The following EFCAB6 variants were observed in gnomAD, a reference collection of about 807,000 sequenced individuals.
EFCAB6 encodes the protein EF-hand calcium-binding domain-containing protein 6.
EFCAB6 carries 156 observed loss-of-function variants against 169.8 expected under a neutral mutation model. That is an observed-to-expected ratio of 0.92 (90% CI 0.81 to 1.05). The LOEUF is 1.05. Ranked by LOEUF, EFCAB6 falls within the 50% of genes least tolerant of loss-of-function variation. EFCAB6 has a pLI of 0.00. For missense variants in EFCAB6, 1,800 were observed against 1,829.1 expected, an observed-to-expected ratio of 0.98 and a Z score of 0.29; for synonymous variants, 698 against 676.4, an observed-to-expected ratio of 1.03 and a Z score of -0.50.
intron 17 of EFCAB6, among the ~76,000 whole-genome samples, chr22:43,645,825 T>C (rs190192277): frequency 6.2e-4 from 94 of 151,394 alleles, no homozygotes; most frequent in Non-Finnish European, 9.3e-4. Flanking sequence ...TTAAGTGTTA[T>C]ATGGAATAAA....
chr22:43,718,091 A>T (rs895224468), intron 8 of EFCAB6, among the ~76,000 whole-genome samples: 1 of 116,996 alleles, frequency 8.5e-6, no homozygotes, highest in African/African-American at 3.8e-5. Context: ...CATCCATGTA[A>T]GTACCAGAAA....
intron 26 of EFCAB6, among the ~76,000 whole-genome samples, chr22:43,558,917 C>CT (rs1456894517): frequency 6.6e-6 from 1 of 152,164 alleles, no homozygotes; most frequent in East Asian, 1.9e-4. Flanking sequence ...TGCAAAGTCT[C>CT]TGAGACATGC....
chr22:43,708,089 TAAAAAAAA>T (rs137824), intron 10 of EFCAB6, among the ~76,000 whole-genome samples: 4 of 115,556 alleles, frequency 3.5e-5, no homozygotes, highest in Non-Finnish European at 7.3e-5. Flanking sequence ...TAAAGAAAAC[TAAAAAAAA>T]AAAAAAAAAA....
chr22:43,662,872 C>A (rs995087388), intron 17 of EFCAB6, among the ~76,000 whole-genome samples: 3 of 152,346 alleles, frequency 2.0e-5, no homozygotes, highest in African/African-American at 7.2e-5. Flanking sequence ...GCCTATCTCA[C>A]ACCTGCCAGG....
Position 43,580,596 on chromosome 22 carries a change from G to A in EFCAB6, c.3096C>T (p.Asn1032=). ...NYLDFLRAVE[N]SKSTGAQPKE... ...TGGGCTGAGCTCCTGTTGACTTGCTGTTCTCCACTGCTCTCAGGAAGTCGA... is the reference window on the plus strand; with the variant it reads ...TGGGCTGAGCTCCTGTTGACTTGCTATTCTCCACTGCTCTCAGGAAGTCGA... The change falls in exon 25 of 32, where the codon AAC becomes AAT. Residue 1032 remains asparagine (N), a synonymous_variant. Transcript: ENST00000262726. The A allele has an allele frequency of 1.9e-6, 3 of 1,614,108 alleles. No homozygotes were observed. Among genetic ancestry groups the A allele is most frequent in the Non-Finnish European group, 2.5e-6 (3 of 1,180,026 alleles).
rs1603298659 is a variant in EFCAB6, at chr22:43,735,829, A to AG, written c.644+27_644+28insC. On this transcript the variant is annotated intron_variant, in intron 7 of 31. Coordinates refer to ENST00000262726, the MANE Select transcript of EFCAB6 (RefSeq NM_022785.4). ...AATTGGTTAAAAGTTCTACTGAGCA[A>AG]TCTCTCACCGTGCCTTCATTTGCTT... is the stretch of plus-strand genomic sequence containing the variant. 8 of 1,609,820 alleles carry AG rather than the reference A, an allele frequency of 5.0e-6. No individual in the cohort carries two copies. In the East Asian group the frequency reaches 1.8e-4, roughly 36 times the overall value.
chr22:43,617,091 G>C (rs574708281), intron 20 of EFCAB6, among the ~76,000 whole-genome samples: 1 of 152,108 alleles, frequency 6.6e-6, no homozygotes, highest in South Asian at 2.1e-4. Flanking sequence ...ACTGCCTACC[G>C]GACTCTGCAG....
At chr22:43,707,765 T>C (rs1228332220) in intron 10 of EFCAB6, among the ~76,000 whole-genome samples, 1 of 152,042 alleles carries the variant, frequency 6.6e-6, no homozygotes, top group East Asian at 1.9e-4. Flanking sequence ...CCTCAGGAAA[T>C]TGACTCCAGA....
chr22:43,553,099 A>C (rs2048476561), intron 27 of EFCAB6: 1 of 152,244 alleles, frequency 6.6e-6, no homozygotes, highest in Admixed American at 6.5e-5. Flanking sequence ...CAGTGAGTTC[A>C]GAGCTGTGAG....
chr22:43,784,676 TACACACACACACACACACAC>T lies in EFCAB6; in HGVS notation c.-7-2371_-7-2352del, dbSNP rs571679900. ...ATGTGTATATATACATATACATATA[TACACACACACACACACACAC>T]ACACACACACACACACACACACATA... On this transcript the variant is annotated intron_variant, in intron 2 of 31. Coordinates refer to ENST00000262726, the MANE Select transcript of EFCAB6 (RefSeq NM_022785.4). Among the ~76,000 whole-genome samples the T allele has an allele frequency of 4.8e-4, 30 of 63,136 alleles. 2 individuals are homozygous for T. The highest frequency in any genetic ancestry group is 8.2e-4 in the Non-Finnish European group (27 of 33,044). 41.4% of individuals were successfully genotyped at this position (63,136 alleles called of 152,430 possible).
intron 10 of EFCAB6, among the ~76,000 whole-genome samples, chr22:43,704,354 C>T (rs1434714032): frequency 6.6e-6 from 1 of 152,116 alleles, no homozygotes; most frequent in Non-Finnish European, 1.5e-5. Context: ...GCCTGCCTCA[C>T]AGGAATTGCT....
At chr22:43,620,385 C>A (rs9614242) in intron 20 of EFCAB6, among the ~76,000 whole-genome samples, 2 of 151,892 alleles carry the variant, frequency 1.3e-5, no homozygotes, top group Non-Finnish European at 2.9e-5. Flanking sequence ...TATGAGAAAA[C>A]GGAATACTTG....
At chr22:43,554,544 A>G in intron 27 of EFCAB6, 2 of 299,416 alleles carry the variant, frequency 6.7e-6, no homozygotes, top group East Asian at 7.1e-5. Flanking sequence ...GGCCCCAGAT[A>G]GTTGCTGCCC....
At chr22:43,595,279 A>G (rs1372316232) in intron 23 of EFCAB6, among the ~76,000 whole-genome samples, 1 of 152,126 alleles carries the variant, frequency 6.6e-6, no homozygotes, top group Non-Finnish European at 1.5e-5. Context: ...AAATCAGAGC[A>G]TAAATAAATA....
intron 20 of EFCAB6, among the ~76,000 whole-genome samples, chr22:43,620,711 A>C (rs772867047): frequency 6.6e-6 from 1 of 152,202 alleles, no homozygotes; most frequent in Non-Finnish European, 1.5e-5. Flanking sequence ...TTTTTTTCTC[A>C]GAGTTTCAAA....
chr22:43,659,588 A>T (rs1458482036), intron 17 of EFCAB6, among the ~76,000 whole-genome samples: 1 of 151,934 alleles, frequency 6.6e-6, no homozygotes, highest in African/African-American at 2.4e-5. Context: ...TGAGCCTGGG[A>T]GGTCGAGGCT....
At chr22:43,593,951 C>T (rs375500808) in intron 23 of EFCAB6, among the ~76,000 whole-genome samples, 4 of 152,112 alleles carry the variant, frequency 2.6e-5, no homozygotes, top group African/African-American at 9.7e-5. Context: ...ATATGCAGCC[C>T]AATTTTTTTC....
rs142500732 is a variant in EFCAB6 at position 43,729,081 on chromosome 22, A to G, written c.757+2618T>C. 2.8e-3 allele frequency among the ~76,000 whole-genome samples: 434 copies of G among 152,306 alleles called. 1 individual carries two copies. The highest frequency in any genetic ancestry group is 0.01 in the African/African-American group (418 of 41,562). On this transcript the variant is annotated intron_variant, in intron 8 of 31. Transcript: ENST00000262726. ...GGGAGCAAGTGCATCAAGTGGCAAG[A>G]GAGGGAGCAAGGCAGAGGAGGAGGT...
At position 43,591,111 on chromosome 22, in the gene EFCAB6, G is replaced by T. The variant is rs9614233; in HGVS notation, c.2877-882C>A. ...TTGTTGTTGTTGTTTTTTGTTTTTT[G>T]TTTTTTTTTTTTGTTTTTTTTTTGT... is the stretch of plus-strand genomic sequence containing the variant. On this transcript the variant is annotated intron_variant, in intron 23 of 31. Coordinates refer to ENST00000262726, the MANE Select transcript of EFCAB6 (RefSeq NM_022785.4). Among the ~76,000 whole-genome samples, 293 of 131,104 alleles carry T rather than the reference G, an allele frequency of 2.2e-3. 2 individuals are homozygous for T. The highest frequency in any genetic ancestry group is 3.3e-3 in the Non-Finnish European group (195 of 59,010). The allele number at this position is 131,104 out of a possible 152,430, so 86.0% of individuals were successfully genotyped here.
Sources: allele counts gnomAD v4.1 joint callset (sites outside exome capture counted in the v4.1 genomes callset), GRCh38; gene constraint gnomAD v4.1.1; transcripts MANE v1.5; gene names NCBI Gene and HGNC (gene_info 2026-07-23, HGNC 2026-07-21).